Variants in NECTIN2 observed in about 807,000 individuals in gnomAD.
NECTIN2 encodes nectin-2.
NECTIN2 carries 23 observed loss-of-function variants against 56.9 expected under a neutral mutation model. That is an observed-to-expected ratio of 0.40 (90% CI 0.29 to 0.57). NECTIN2 has a LOEUF of 0.57. Ranked by LOEUF, NECTIN2 falls within the 20% of genes least tolerant of loss-of-function variation. The pLI, the probability that NECTIN2 is intolerant of heterozygous loss-of-function variation, is 0.38. For synonymous variants in NECTIN2, 302 were observed against 313.8 expected (o/e 0.96, Z 0.40); for missense variants, 587 against 718.3 (o/e 0.82, Z 2.09).
At chr19:44,859,558 T>C (rs1969008201) in intron 1 of NECTIN2, among the ~76,000 whole-genome samples, 1 of 152,204 alleles carries the variant, frequency 6.6e-6, no homozygotes, top group Admixed American at 6.5e-5. Flanking sequence ...ACGCCGTGGC[T>C]CACGCCTGTA....
intron 1 of NECTIN2, among the ~76,000 whole-genome samples, chr19:44,864,019 C>T (rs1291071085): frequency 6.6e-6 from 1 of 151,396 alleles, no homozygotes; most frequent in South Asian, 2.1e-4. Context: ...GATTCCCCCC[C>T]CCCAAAAAAA....
rs1018307552 is a variant in NECTIN2, at chr19:44,882,113, TAGAC to T, written c.1043-95_1043-92del. ...TGTCCCCTGCCCATGGGAGAGGACA[TAGAC>T]AGGCAGGCGATGATGTGGGGTGGGA... On this transcript the variant is annotated intron_variant, in intron 5 of 8. Coordinates refer to ENST00000252483, the MANE Select transcript of NECTIN2 (RefSeq NM_001042724.2). 174 of 1,134,256 alleles carry T rather than the reference TAGAC, an allele frequency of 1.5e-4. No homozygotes were observed. In the African/African-American group the frequency reaches 1.9e-3, roughly 13 times the overall value. The allele number at this position is 1,134,256 out of a possible 1,614,324, so 70.3% of individuals were successfully genotyped here.
At position 44,846,391 on chromosome 19, in the gene NECTIN2, G is replaced by A; in HGVS notation, c.-135G>A. 1 of 1,142,842 alleles carries A rather than the reference G, an allele frequency of 8.8e-7. No homozygotes were observed. The highest frequency in any genetic ancestry group is 1.2e-6 in the Non-Finnish European group (1 of 865,040). The allele number at this position is 1,142,842 out of a possible 1,614,324, so 70.8% of individuals were successfully genotyped here. On this transcript the variant is annotated 5_prime_UTR_variant, in exon 1 of 9. Coordinates refer to ENST00000252483, the MANE Select transcript of NECTIN2 (RefSeq NM_001042724.2). ...CTGGGCCGGGAGAGCAGAACAGGGA[G>A]GCTAGAGCGCAGCGGGAACCGGCCC...
chr19:44,863,722 G>A (rs1327432198), intron 1 of NECTIN2, among the ~76,000 whole-genome samples: 2 of 151,786 alleles, frequency 1.3e-5, no homozygotes, highest in African/African-American at 4.8e-5. Flanking sequence ...GCGGGCGCCT[G>A]TAATCCCAGC....
At chr19:44,868,238 C>T (rs545243758) in intron 2 of NECTIN2, among the ~76,000 whole-genome samples, 1 of 151,594 alleles carries the variant, frequency 6.6e-6, no homozygotes, top group African/African-American at 2.4e-5. Context: ...TAGCACACAC[C>T]TGTAGTCCCA....
chr19:44,847,144 G>C (rs372380926), intron 1 of NECTIN2, among the ~76,000 whole-genome samples: 19 of 152,248 alleles, frequency 1.2e-4, no homozygotes, highest in African/African-American at 4.3e-4. Flanking sequence ...GACCTGATTC[G>C]GGTCCCTTGG....
At chr19:44,853,591 T>C (rs1359183885) in intron 1 of NECTIN2, among the ~76,000 whole-genome samples, 2 of 146,460 alleles carry the variant, frequency 1.4e-5, no homozygotes, top group Non-Finnish European at 3.0e-5. Context: ...TAGGTTCAAG[T>C]GATTCTCCTG....
At chr19:44,873,462 G>A (rs184449694) in intron 3 of NECTIN2, among the ~76,000 whole-genome samples, 3 of 152,238 alleles carry the variant, frequency 2.0e-5, no homozygotes, top group Admixed American at 2.0e-4. Context: ...GTGAAACCCT[G>A]TCTGTACTAA....
chr19:44,846,742 T>C, intron 1 of NECTIN2, 129 bp downstream of exon 1: 1 of 1,050,368 alleles, frequency 9.5e-7, no homozygotes. Flanking sequence ...GCCCCCTTCC[T>C]GGCTGGCCCC....
At chr19:44,867,608 A>C (rs1444890854) in intron 2 of NECTIN2, among the ~76,000 whole-genome samples, 1 of 152,222 alleles carries the variant, frequency 6.6e-6, no homozygotes, top group Non-Finnish European at 1.5e-5. Context: ...GAGTCTGAGA[A>C]GGAGCTACCT....
At chr19:44,877,917 G>T (rs928747163) in intron 5 of NECTIN2, among the ~76,000 whole-genome samples, 1 of 152,170 alleles carries the variant, frequency 6.6e-6, no homozygotes, top group Admixed American at 6.5e-5. Context: ...CCTGATTTTT[G>T]AAAGGTTGGC....
At position 44,874,029 on chromosome 19, in the gene NECTIN2, A is replaced by G; in HGVS notation, c.889A>G (p.Ser297Gly). Reference protein sequence around the residue: ...SNPEPTGYDWSTTSGTFPTSA... With the variant: ...SNPEPTGYDWGTTSGTFPTSA... ...CCCAGAGCCCACGGGCTATGACTGG[A>G]GCACGTGAGTCACGTGGTCTCAGAA... Residue 297 changes from serine (S) to glycine (G), a missense_variant, in exon 4 of 9, where the codon AGC (serine) becomes GGC (glycine). Coordinates refer to ENST00000252483, the MANE Select transcript of NECTIN2 (RefSeq NM_001042724.2). The surrounding 1 kb of genome is among the most constrained non-coding windows in gnomAD (Gnocchi z 6.3). The G allele has an allele frequency of 6.2e-7, 1 of 1,611,600 alleles. No homozygotes were observed. The highest frequency in any genetic ancestry group is 8.5e-7 in the Non-Finnish European group (1 of 1,178,210).
intron 8 of NECTIN2, 133 bp from the exon 9 acceptor site, chr19:44,887,975 CAG>C: frequency 1.1e-6 from 1 of 929,120 alleles, no homozygotes; most frequent in Non-Finnish European, 1.6e-6. Context: ...AATATGGCCT[CAG>C]GGGACAAGGA....
At chr19:44,879,553 TC>T (rs1315975792) in intron 5 of NECTIN2, among the ~76,000 whole-genome samples, 1 of 151,924 alleles carries the variant, frequency 6.6e-6, no homozygotes, top group Admixed American at 6.6e-5. Context: ...CCCCCAGGGA[TC>T]ACCCCAGGGG....
At chr19:44,854,416 C>T (rs577829122) in intron 1 of NECTIN2, among the ~76,000 whole-genome samples, 1 of 152,068 alleles carries the variant, frequency 6.6e-6, no homozygotes, top group Non-Finnish European at 1.5e-5. Flanking sequence ...CCTCCAAATC[C>T]AGTAGTGCTC....
At chr19:44,848,757 T>TCTCTCCATCC (rs1272048962) in intron 1 of NECTIN2, among the ~76,000 whole-genome samples, 1 of 151,308 alleles carries the variant, frequency 6.6e-6, no homozygotes, top group African/African-American at 2.4e-5. Context: ...TCACCCTTTC[T>TCTCTCCATCC]CTCTCCATCC....
chr19:44,869,547 C>G (rs1292424158), intron 2 of NECTIN2, among the ~76,000 whole-genome samples: 5 of 142,734 alleles, frequency 3.5e-5, no homozygotes, highest in Non-Finnish European at 7.5e-5. Flanking sequence ...GAGCCGAGAT[C>G]GCATCACTGC....
At chr19:44,877,701 T>C (rs1030626933) in intron 5 of NECTIN2, among the ~76,000 whole-genome samples, 2 of 152,170 alleles carry the variant, frequency 1.3e-5, no homozygotes, top group East Asian at 1.9e-4. Flanking sequence ...CCCAAGCTCA[T>C]AGCTTTGTGA....
At chr19:44,866,471 G>A (rs891237099) in intron 2 of NECTIN2, among the ~76,000 whole-genome samples, 2 of 152,060 alleles carry the variant, frequency 1.3e-5, no homozygotes, top group Non-Finnish European at 2.9e-5. Flanking sequence ...GGGCCAAGTT[G>A]CAATTCTAGC....
Sources: allele counts gnomAD v4.1 joint callset (sites outside exome capture counted in the v4.1 genomes callset), GRCh38; gene constraint gnomAD v4.1.1; non-coding constraint Gnocchi (gnomAD v3.1); transcripts MANE v1.5; gene names NCBI Gene and HGNC (gene_info 2026-07-23, HGNC 2026-07-21).